ASAP2: variants seen among roughly 807,000 people sequenced by gnomAD.
ASAP2 encodes the protein arf-GAP with SH3 domain, ANK repeat and PH domain-containing protein 2.
Under a neutral mutation model 131.4 loss-of-function variants are expected in ASAP2, and 45 were observed. The observed-to-expected ratio is 0.34, with a 90% CI of 0.27 to 0.44. ASAP2 has a LOEUF of 0.44. Among genes scored for constraint, ASAP2 ranks in the 20% least tolerant of loss-of-function variants. The pLI, the probability that ASAP2 is intolerant of heterozygous loss-of-function variation, is 1.00. For missense variants in ASAP2, 1,011 were observed against 1,297.0 expected (o/e 0.78, Z 3.39); for synonymous variants, 510 against 503.0 (o/e 1.01, Z -0.19).
chr2:9,238,727 C>T (rs572628690), intron 1 of ASAP2, among the ~76,000 whole-genome samples: 2 of 152,214 alleles, frequency 1.3e-5, no homozygotes, highest in Admixed American at 1.3e-4. Flanking sequence ...GAAATTTACC[C>T]TAAGAGTACA....
intron 22 of ASAP2, 41 bp from the exon 23 acceptor site, chr2:9,391,021 T>C: frequency 1.9e-6 from 3 of 1,613,814 alleles, no homozygotes; most frequent in Non-Finnish European, 2.5e-6. Flanking sequence ...TGCACGTGTA[T>C]GTGTGCGTGC....
At chr2:9,278,831 C>T (rs1440422959) in intron 1 of ASAP2, among the ~76,000 whole-genome samples, 1 of 152,194 alleles carries the variant, frequency 6.6e-6, no homozygotes, top group Non-Finnish European at 1.5e-5. Context: ...ACACAGCTTA[C>T]AAGCTAATGA....
chr2:9,374,844 G>A lies in ASAP2; in HGVS notation c.1646G>A (p.Ser549Asn), dbSNP rs370518116. 6.8e-6 allele frequency: 11 copies of A among 1,614,068 alleles called. No individual in the cohort carries two copies. Among genetic ancestry groups the A allele is most frequent in the Non-Finnish European group, 9.3e-6 (11 of 1,180,044 alleles). Reference sequence around the variant, plus strand: ...GCGGATAACGCGGCGAAGCTTCACAGTCTTTGCGAGGCCGTCAAAACGAGA... The same window carrying A: ...GCGGATAACGCGGCGAAGCTTCACAATCTTTGCGAGGCCGTCAAAACGAGA... ...KHADNAAKLH[S>N]LCEAVKTRDI... The change falls in exon 17 of 28, where the codon AGT becomes AAT. Residue 549 changes from serine (S) to asparagine (N), a missense_variant. Coordinates refer to ENST00000281419, the MANE Select transcript of ASAP2 (RefSeq NM_003887.3).
chr2:9,352,714 C>T (rs1034443769), intron 12 of ASAP2, among the ~76,000 whole-genome samples: 3 of 152,228 alleles, frequency 2.0e-5, no homozygotes, highest in African/African-American at 7.2e-5. Context: ...AATCTGGCCA[C>T]ACACAAGCTC....
At chr2:9,323,472 A>G (rs535963216) in intron 6 of ASAP2, among the ~76,000 whole-genome samples, 1 of 152,356 alleles carries the variant, frequency 6.6e-6, no homozygotes, top group African/African-American at 2.4e-5. Flanking sequence ...AAAGTAGAGA[A>G]AAACCACTAA....
chr2:9,303,698 A>G (rs1020317741), intron 3 of ASAP2, among the ~76,000 whole-genome samples: 3 of 152,254 alleles, frequency 2.0e-5, no homozygotes, highest in Admixed American at 6.5e-5. Flanking sequence ...ACAAAAGCAC[A>G]TTGTTTGATC....
Position 9,391,346 on chromosome 2 carries a change from C to T in ASAP2, c.2518+150C>T, listed in dbSNP as rs1675706226. On this transcript the variant is annotated intron_variant, in intron 23 of 27. Transcript: ENST00000281419. ...CCCTGTGGCTCTTGTGCAGGGCTCT[C>T]AGCTCCCCCAGCCTCCTTCGTCACA... 3.5e-6 allele frequency: 4 copies of T among 1,132,596 alleles called. No individual in the cohort carries two copies. In the East Asian group the frequency reaches 7.3e-5, roughly 21 times the overall value. 70.2% of individuals were successfully genotyped at this position (1,132,596 alleles called of 1,614,324 possible). A position where few individuals can be genotyped will look rare whatever the true frequency, so the allele number is the denominator to read the frequency against.
chr2:9,338,226 G>A (rs969436879), intron 9 of ASAP2, among the ~76,000 whole-genome samples: 1 of 152,032 alleles, frequency 6.6e-6, no homozygotes, highest in African/African-American at 2.4e-5. Context: ...TCTGGGGCAT[G>A]GTCTCACAGG....
intron 3 of ASAP2, among the ~76,000 whole-genome samples, chr2:9,308,467 G>A (rs1356828561): frequency 2.0e-5 from 3 of 152,184 alleles, no homozygotes; most frequent in South Asian, 4.1e-4. Flanking sequence ...AGGTTTGAGC[G>A]GGGACACAGA....
chr2:9,385,453 TA>T, intron 21 of ASAP2, 95 bp downstream of exon 21: 1 of 985,186 alleles, frequency 1.0e-6, no homozygotes, highest in South Asian at 1.5e-5. Context: ...AGCTGTTTTA[TA>T]GAAATGAAAA....
intron 1 of ASAP2, among the ~76,000 whole-genome samples, chr2:9,220,849 G>A (rs75189183): frequency 0.016 from 2,359 of 152,164 alleles, 30 homozygotes; most frequent in Non-Finnish European, 0.025. Flanking sequence ...TGAGGTAGGG[G>A]TCCAACTTCA....
rs964201289 is a variant in ASAP2 at position 9,232,800 on chromosome 2, A to G, written c.126+25570A>G. ...TCATAGAAAGCTTGTTTCTCTGGCC[A>G]TGGGGACTTGATTCTTAGAGGGTAA... On this transcript the variant is annotated intron_variant, in intron 1 of 27. Transcript: ENST00000281419. The surrounding 1 kb of genome is among the most constrained non-coding windows in gnomAD (Gnocchi z 4.1). Among the ~76,000 whole-genome samples the G allele has an allele frequency of 2.0e-5, 3 of 152,322 alleles. No homozygotes were observed. The highest frequency in any genetic ancestry group is 2.9e-5 in the Non-Finnish European group (2 of 68,026).
chr2:9,387,301 C>T (rs1016064340), intron 21 of ASAP2, among the ~76,000 whole-genome samples: 3 of 151,822 alleles, frequency 2.0e-5, no homozygotes, highest in East Asian at 1.9e-4. Flanking sequence ...TTAAGCTCTA[C>T]GGGCCTAAAG....
intron 1 of ASAP2, among the ~76,000 whole-genome samples, chr2:9,273,230 C>T (rs769086571): frequency 3.9e-5 from 6 of 152,172 alleles, no homozygotes; most frequent in Admixed American, 2.0e-4. Flanking sequence ...CTTACATCAT[C>T]GTTTTATAGT....
chr2:9,253,003 G>A (rs931535287), intron 1 of ASAP2, among the ~76,000 whole-genome samples: 1 of 151,774 alleles, frequency 6.6e-6, no homozygotes, highest in African/African-American at 2.4e-5. Context: ...TGACTATTTA[G>A]TTGTTCACTG....
chr2:9,251,491 T>G (rs1664701858), intron 1 of ASAP2, among the ~76,000 whole-genome samples: 1 of 152,194 alleles, frequency 6.6e-6, no homozygotes, highest in Admixed American at 6.5e-5. Flanking sequence ...AGCTAATCCC[T>G]GATGTCCGTC....
rs1283122651 is a variant in ASAP2 at position 9,401,332 on chromosome 2, A to T, written c.2882A>T (p.Asp961Val). 6.2e-7 allele frequency: 1 copy of T among 1,613,586 alleles called. No individual in the cohort carries two copies. Among genetic ancestry groups the T allele is most frequent in the South Asian group, 1.1e-5 (1 of 91,082 alleles). ...ALYNCVADNP[D>V]ELTFSEGDVI... is the part of the protein sequence containing the mutation. ...TATAACTGTGTGGCTGACAACCCCG[A>T]TGAGCTCACCTTCTCCGAGGGGGAT... The change falls in exon 27 of 28, where the codon GAT becomes GTT. Residue 961 changes from aspartate to valine, a missense_variant. Transcript: ENST00000281419.
At chr2:9,307,346 G>A (rs1460203146) in intron 3 of ASAP2, among the ~76,000 whole-genome samples, 1 of 152,182 alleles carries the variant, frequency 6.6e-6, no homozygotes, top group Admixed American at 6.5e-5. Context: ...TCTCACCCTT[G>A]GCGAGATGGA....
intron 1 of ASAP2, among the ~76,000 whole-genome samples, chr2:9,224,674 C>T (rs763281332): frequency 1.3e-5 from 2 of 152,172 alleles, no homozygotes; most frequent in Admixed American, 1.3e-4. Context: ...TCTGTAGAAC[C>T]TTCCCTAACA....
Sources: gnomAD v4.1 joint callset for allele counts (sites outside exome capture counted in the v4.1 genomes callset) on GRCh38, gnomAD v4.1.1 for gene constraint, Gnocchi (gnomAD v3.1) non-coding constraint, MANE v1.5 for transcripts, NCBI Gene and HGNC (gene_info 2026-07-23, HGNC 2026-07-21) for gene names.